Variants in LYRM4 observed in about 807,000 individuals in gnomAD.
LYRM4 encodes LYR motif-containing protein 4.
LYRM4 carries 9 observed loss-of-function variants against 11.7 expected under a neutral mutation model. The observed-to-expected ratio is 0.77, with a 90% confidence interval of 0.46 to 1.34. The LOEUF (loss-of-function observed/expected upper bound fraction) is 1.34, where lower values mean the gene tolerates loss of function less well. Ranked by LOEUF, LYRM4 falls within the 40% of genes most tolerant of loss-of-function variation. The pLI, the probability that LYRM4 is intolerant of heterozygous loss-of-function variation, is 0.00. For synonymous variants in LYRM4, 42 were observed against 40.4 expected (o/e 1.04, Z -0.15); for missense variants, 133 against 112.5 (o/e 1.18, Z -0.82).
chr6:5,226,619 C>T (rs1052451868), intron 1 of LYRM4, among the ~76,000 whole-genome samples: 8 of 152,122 alleles, frequency 5.3e-5, no homozygotes, highest in Non-Finnish European at 7.4e-5. Flanking sequence ...TCAGGTGATC[C>T]GCCCGCCTCA....
intron 2 of LYRM4, among the ~76,000 whole-genome samples, chr6:5,114,601 C>T (rs1763035924): frequency 6.6e-6 from 1 of 152,170 alleles, no homozygotes; most frequent in East Asian, 1.9e-4. Context: ...AAAAGCTACA[C>T]AGGAAATTAT....
At chr6:5,251,796 A>C (rs1353651551) in intron 1 of LYRM4, among the ~76,000 whole-genome samples, 3 of 152,194 alleles carry the variant, frequency 2.0e-5, no homozygotes, top group African/African-American at 7.2e-5. Context: ...AGAGGCAGTC[A>C]CTGTTAAAAG....
At chr6:5,088,067 T>C in the LYRM4 span, 2 of 152,008 alleles carry the variant, frequency 1.3e-5, no homozygotes, top group Non-Finnish European at 2.9e-5. Flanking sequence ...CTAAGAATAG[T>C]TTTTACATTT....
chr6:5,109,524 C>A (rs143735114), intron 2 of LYRM4, 33 bp from the exon 3 acceptor site: 2 of 1,599,080 alleles, frequency 1.3e-6, no homozygotes, highest in Non-Finnish European at 1.7e-6. Context: ...GGTCAGGAAC[C>A]GTGGCCCTCT....
At chr6:5,137,468 T>C (rs466837) in intron 2 of LYRM4, among the ~76,000 whole-genome samples, 71,275 of 151,928 alleles carry the variant, frequency 0.47, 18,219 homozygotes, top group East Asian at 0.81. Context: ...GCTCCTGGAG[T>C]TGGCCCCACT....
chr6:5,260,941 G>A lies in LYRM4; in HGVS notation c.-208C>T, dbSNP rs907722945. ...CCGCGCCGCTTCGGGGGCGGGCGCA[G>A]GCAGGGCTCGGGGCAGCTAAGGGGG... On this transcript the variant is annotated 5_prime_UTR_variant, in exon 1 of 3. Transcript: ENST00000330636. 101 of 1,344,256 alleles carry A rather than the reference G, an allele frequency of 7.5e-5. No individual in the cohort carries two copies. Among genetic ancestry groups the A allele is most frequent in the Non-Finnish European group, 9.1e-5 (96 of 1,051,780 alleles). The allele number at this position is 1,344,256 out of a possible 1,614,324, so 83.3% of individuals were successfully genotyped here.
the LYRM4 span, among the ~76,000 whole-genome samples, chr6:5,059,360 A>G: frequency 1.1e-4 from 17 of 150,286 alleles, no homozygotes; most frequent in South Asian, 1.7e-3. Flanking sequence ...AAAAAAAAAA[A>G]GTCCTCTGTG....
intron 2 of LYRM4, among the ~76,000 whole-genome samples, chr6:5,121,357 C>A (rs542088355): frequency 1.3e-5 from 2 of 152,080 alleles, no homozygotes; most frequent in African/African-American, 2.4e-5. Flanking sequence ...GGGTTTTATG[C>A]GTGATTTCTA....
intron 2 of LYRM4, among the ~76,000 whole-genome samples, chr6:5,125,091 C>T (rs902589260): frequency 7.2e-5 from 11 of 152,194 alleles, no homozygotes; most frequent in Non-Finnish European, 7.3e-5. Context: ...TGAGCATCTT[C>T]CTGGCCTTGC....
intron 1 of LYRM4, among the ~76,000 whole-genome samples, chr6:5,259,122 T>G (rs778639267): frequency 7.9e-5 from 12 of 152,250 alleles, no homozygotes; most frequent in Non-Finnish European, 1.6e-4. Context: ...CTTTCTTACA[T>G]GCTCTCACAT....
chr6:5,073,928 C>T, the LYRM4 span, among the ~76,000 whole-genome samples: 6 of 152,292 alleles, frequency 3.9e-5, no homozygotes, highest in South Asian at 1.0e-3. Flanking sequence ...TTATACCTTC[C>T]TGTCATGCTG....
At chr6:5,233,292 C>T (rs569441352) in intron 1 of LYRM4, among the ~76,000 whole-genome samples, 5 of 152,318 alleles carry the variant, frequency 3.3e-5, no homozygotes, top group South Asian at 4.1e-4. Context: ...ATTTGACATG[C>T]GAACCAGCAT....
chr6:5,109,180 G>GT lies in LYRM4; in HGVS notation c.*242dup. The GT allele has an allele frequency of 7.3e-7, 1 of 1,366,464 alleles. No homozygotes were observed. The highest frequency in any genetic ancestry group is 9.5e-7 in the Non-Finnish European group (1 of 1,056,982). 84.6% of individuals were successfully genotyped at this position (1,366,464 alleles called of 1,614,324 possible). Reference sequence around the variant, plus strand: ...AGGAATGGGGTGCAGGGGAGACGTGGTAACACACAGCACTATTCTGAACGA... The same window carrying GT: ...AGGAATGGGGTGCAGGGGAGACGTGGTTAACACACAGCACTATTCTGAACGA... On this transcript the variant is annotated 3_prime_UTR_variant, in exon 3 of 3. Transcript: ENST00000330636.
intron 2 of LYRM4, among the ~76,000 whole-genome samples, chr6:5,197,584 G>A (rs1158054760): frequency 6.6e-6 from 1 of 151,994 alleles, no homozygotes; most frequent in African/African-American, 2.4e-5. Context: ...CTGAGGCAGA[G>A]AACTGCTTGA....
chr6:5,049,958 A>G, the LYRM4 span, among the ~76,000 whole-genome samples: 1 of 152,210 alleles, frequency 6.6e-6, no homozygotes, highest in Non-Finnish European at 1.5e-5. Context: ...ATAAGCCACC[A>G]TGCCCGGCCT....
chr6:5,201,727 T>G (rs1761404959), intron 2 of LYRM4, among the ~76,000 whole-genome samples: 3 of 152,164 alleles, frequency 2.0e-5, no homozygotes, highest in Admixed American at 2.0e-4. Context: ...ACTCTGACTT[T>G]CAGCAAGTCA....
At chr6:5,256,305 T>C (rs933593909) in intron 1 of LYRM4, among the ~76,000 whole-genome samples, 10 of 151,132 alleles carry the variant, frequency 6.6e-5, no homozygotes, top group Admixed American at 1.3e-4. Context: ...GCCTGGCCAA[T>C]ATGGTGAAAC....
the LYRM4 span, among the ~76,000 whole-genome samples, chr6:5,080,283 G>A: frequency 1.3e-5 from 2 of 152,126 alleles, no homozygotes; most frequent in African/African-American, 4.8e-5. Context: ...ATGCCTTGTT[G>A]CCACATAAAA....
chr6:5,036,511 C>T, the LYRM4 span, among the ~76,000 whole-genome samples: 1 of 152,212 alleles, frequency 6.6e-6, no homozygotes, highest in Non-Finnish European at 1.5e-5. Context: ...TCATAGAGCC[C>T]TGGCCACCTC....
Sources: allele counts gnomAD v4.1 joint callset (sites outside exome capture counted in the v4.1 genomes callset), GRCh38; gene constraint gnomAD v4.1.1; transcripts MANE v1.5; gene names NCBI Gene and HGNC (gene_info 2026-07-23, HGNC 2026-07-21).